The following SH2B2 variants were observed in gnomAD, a reference collection of about 807,000 sequenced individuals.
SH2B2 encodes the protein SH2B adaptor protein 2, also known as SH2B adapter protein 2.
A neutral mutation model predicts 35.7 loss-of-function variants in SH2B2; 37 were observed. The ratio of observed to expected loss-of-function variants is 1.04; its 90% confidence interval spans 0.80 to 1.36. The LOEUF is 1.36. Among genes scored for constraint, SH2B2 ranks in the 40% most tolerant of loss-of-function variants. The probability of loss-of-function intolerance (pLI) is 0.00; values close to 1 mark genes in which losing one functional copy is unlikely to be tolerated. For synonymous variants in SH2B2, 383 were observed against 376.4 expected (o/e 1.02, Z -0.20); for missense variants, 852 against 817.7 (o/e 1.04, Z -0.51).
intron 2 of SH2B2, among the ~76,000 whole-genome samples, chr7:102,305,445 T>C (rs539056884): frequency 3.9e-5 from 6 of 152,108 alleles, no homozygotes; most frequent in African/African-American, 1.4e-4. Flanking sequence ...TTTGTATTTC[T>C]AGTAGAGATG....
intron 1 of SH2B2, among the ~76,000 whole-genome samples, chr7:102,287,960 G>C (rs1347743884): frequency 4.6e-5 from 7 of 152,196 alleles, no homozygotes; most frequent in African/African-American, 1.7e-4. Context: ...TAGTGCAAGG[G>C]AGAGCCTCAG....
chr7:102,310,208 C>T (rs765697208), intron 4 of SH2B2, among the ~76,000 whole-genome samples: 1 of 152,020 alleles, frequency 6.6e-6, no homozygotes, highest in Non-Finnish European at 1.5e-5. Context: ...CCCAGCTACT[C>T]GAGAGGCTGA....
At chr7:102,311,029 C>T (rs928039191) in intron 4 of SH2B2, among the ~76,000 whole-genome samples, 4 of 152,168 alleles carry the variant, frequency 2.6e-5, no homozygotes, top group Non-Finnish European at 5.9e-5. Flanking sequence ...AGTGGAAAAT[C>T]AATTTGCAAA....
chr7:102,299,117 T>C (rs1182778263), intron 1 of SH2B2, among the ~76,000 whole-genome samples: 1 of 149,810 alleles, frequency 6.7e-6, no homozygotes, highest in Non-Finnish European at 1.5e-5. Context: ...GCCAGGATGG[T>C]CTCGATCTCC....
intron 4 of SH2B2, among the ~76,000 whole-genome samples, chr7:102,311,589 C>T (rs1270899251): frequency 5.0e-5 from 6 of 120,076 alleles, no homozygotes; most frequent in South Asian, 2.9e-4. Flanking sequence ...GAGACGGGAT[C>T]GGGATCGTGC....
chr7:102,300,783 G>A lies in SH2B2; in HGVS notation c.233G>A (p.Arg78His). 6.6e-7 allele frequency: 1 copy of A among 1,518,064 alleles called. No individual in the cohort carries two copies. The highest frequency in any genetic ancestry group is 8.9e-7 in the Non-Finnish European group (1 of 1,127,796). 94.0% of individuals were successfully genotyped at this position (1,518,064 alleles called of 1,614,324 possible). A position where few individuals can be genotyped will look rare whatever the true frequency, so the allele number is the denominator to read the frequency against. ...CTGGACGTCTTCGGCGAGGAGGTGC[G>A]CCGCGTGCTGGTGGCTGGGCCGACG... ...NFLDVFGEEV[R>H]RVLVAGPTTR... Residue 78 changes from arginine (R) to histidine (H), a missense_variant, in exon 2 of 9, where the codon CGC becomes CAC. Arg to His is a conservative substitution (Grantham distance 29). Transcript: ENST00000444095.
chr7:102,306,792 G>T lies in SH2B2; in HGVS notation c.801G>T (p.Met267Ile). 6.3e-7 allele frequency: 1 copy of T among 1,595,166 alleles called. No homozygotes were observed. The highest frequency in any genetic ancestry group is 8.5e-7 in the Non-Finnish European group (1 of 1,171,176). Residue 267 changes from methionine (M) to isoleucine (I), a missense_variant, in exon 3 of 9, where the codon ATG becomes ATT. Met to Ile is a conservative substitution (Grantham distance 10). This residue lies in a region of SH2B2 where 556 missense variants were observed against 514.5 expected (regional missense o/e 1.08). Coordinates refer to ENST00000444095, the MANE Select transcript of SH2B2 (RefSeq NM_001359228.2). The stretch of plus-strand genomic sequence containing the variant: ...TCCGCACCACCATGCCCCTGGAAAT[G>T]CCAGAGAAGGATAACACATTCGTCC... Reference protein sequence around the residue: ...IEVRTTMPLEMPEKDNTFVLK... With the variant: ...IEVRTTMPLEIPEKDNTFVLK...
intron 1 of SH2B2, 53 bp from the exon 2 acceptor site, chr7:102,300,469 T>A: frequency 6.8e-7 from 1 of 1,476,130 alleles, no homozygotes; most frequent in Non-Finnish European, 9.0e-7. Flanking sequence ...AGGGGACAGG[T>A]GGGCGCATTG....
At chr7:102,318,512 G>T (rs1442540760) in intron 7 of SH2B2, among the ~76,000 whole-genome samples, 1 of 152,164 alleles carries the variant, frequency 6.6e-6, no homozygotes, top group African/African-American at 2.4e-5. Flanking sequence ...GTGGCCAGAG[G>T]GGGCAGGAAC....
At chr7:102,298,672 C>T (rs1198038113) in intron 1 of SH2B2, among the ~76,000 whole-genome samples, 1 of 152,104 alleles carries the variant, frequency 6.6e-6, no homozygotes, top group Admixed American at 6.6e-5. Flanking sequence ...CTCAACCTTC[C>T]AGGCTCAGGT....
chr7:102,312,038 A>G (rs1793644984), intron 4 of SH2B2, among the ~76,000 whole-genome samples: 1 of 149,238 alleles, frequency 6.7e-6, no homozygotes, highest in African/African-American at 2.5e-5. Flanking sequence ...AGATTGCACC[A>G]CTGAACTCCA....
rs71123035 is a variant in SH2B2 at position 102,299,197 on chromosome 7, C to CTTTT, written c.-29-1309_-29-1306dup. Among the ~76,000 whole-genome samples the CTTTT allele has an allele frequency of 4.2e-3, 104 of 24,632 alleles. 23 individuals carry two copies. Among genetic ancestry groups the CTTTT allele is most frequent in the Non-Finnish European group, 5.6e-3 (81 of 14,438 alleles). 16.2% of individuals were successfully genotyped at this position (24,632 alleles called of 152,430 possible). The stretch of plus-strand genomic sequence containing the variant: ...TACAGGCATGAGCCACCGCGCCTGG[C>CTTTT]TTTTTTTTTTTTTTTTTTTGAGGTG... On this transcript the variant is annotated intron_variant, in intron 1 of 8. Coordinates refer to ENST00000444095, the MANE Select transcript of SH2B2 (RefSeq NM_001359228.2).
At chr7:102,309,253 C>A in intron 4 of SH2B2, 2 of 452,976 alleles carry the variant, frequency 4.4e-6, no homozygotes, top group Non-Finnish European at 4.3e-6. Flanking sequence ...TGGCTCACAT[C>A]TGTGACCCCA....
At chr7:102,321,247 G>A in intron 8 of SH2B2, 52 bp from the exon 9 acceptor site, 2 of 1,304,664 alleles carry the variant, frequency 1.5e-6, no homozygotes, top group Non-Finnish European at 2.0e-6. Context: ...CCTCCCTGCA[G>A]GATGTGGCCA....
chr7:102,303,523 G>A (rs1413104021), intron 2 of SH2B2, among the ~76,000 whole-genome samples: 2 of 152,148 alleles, frequency 1.3e-5, no homozygotes, highest in African/African-American at 2.4e-5. Context: ...GAGCCACATG[G>A]GCCCTGGAAA....
upstream of SH2B2, among the ~76,000 whole-genome samples, chr7:102,286,363 T>C (rs1273160951): frequency 7.2e-5 from 11 of 152,286 alleles, no homozygotes; most frequent in East Asian, 1.9e-4. Context: ...CAGGCTCCCA[T>C]TGTCCCTGCT....
chr7:102,301,191 G>A lies in SH2B2; in HGVS notation c.641G>A (p.Gly214Asp), dbSNP rs782479453. ...GACGACGCGGCCGCGGGCTCCGGGG[G>A]CTCGGCTCAGTGGCAGAAGTGCCGC... ...VADDAAAGSG[G>D]SAQWQKCRLL... is the part of the protein sequence containing the mutation. The change falls in exon 2 of 9, where the codon GGC (glycine) becomes GAC (aspartate). Residue 214 changes from glycine (G) to aspartate (D), a missense_variant. Transcript: ENST00000444095. 2.5e-6 allele frequency: 4 copies of A among 1,587,430 alleles called. No individual in the cohort carries two copies. The highest frequency in any genetic ancestry group is 3.4e-6 in the Non-Finnish European group (4 of 1,168,862).
rs1586605016 is a variant in SH2B2 at position 102,317,375 on chromosome 7, A to C, written c.1375A>C (p.Asn459His). ...GCCTGGGGAGTACGTGCTGACCTTC[A>C]ACTTCCAGGGCAAGGCCAAGGCAAG... is the stretch of plus-strand genomic sequence containing the variant. Reference protein sequence around the residue: ...TRPGEYVLTFNFQGKAKHLRL... With the variant: ...TRPGEYVLTFHFQGKAKHLRL... The change falls in exon 7 of 9, where the codon AAC becomes CAC. Residue 459 changes from asparagine to histidine, a missense_variant. This residue lies in a region of SH2B2 where 556 missense variants were observed against 514.5 expected (regional missense o/e 1.08). Coordinates refer to ENST00000444095, the MANE Select transcript of SH2B2 (RefSeq NM_001359228.2). 1 of 1,586,272 alleles carries C rather than the reference A, an allele frequency of 6.3e-7. No homozygotes were observed.
In SH2B2 at chr7:102,321,394, T is replaced by C; in HGVS notation, c.1663T>C (p.Cys555Arg). ...HYFSSLAAAACPPASPSDAAG... is the reference protein window; with the variant it reads ...HYFSSLAAAARPPASPSDAAG... ...CTTCTCCAGCCTCGCCGCGGCCGCC[T>C]GCCCGCCTGCCTCGCCCTCCGACGC... The change falls in exon 9 of 9, where the codon TGC (cysteine) becomes CGC (arginine). Residue 555 changes from cysteine to arginine, a missense_variant. This residue lies in a region of SH2B2 where 556 missense variants were observed against 514.5 expected (regional missense o/e 1.08). Transcript: ENST00000444095. The C allele has an allele frequency of 7.3e-7, 1 of 1,377,860 alleles. No individual in the cohort carries two copies. The allele number at this position is 1,377,860 out of a possible 1,614,324, so 85.4% of individuals were successfully genotyped here. A position where few individuals can be genotyped will look rare whatever the true frequency, so the allele number is the denominator to read the frequency against.
Sources: allele counts gnomAD v4.1 joint callset (sites outside exome capture counted in the v4.1 genomes callset), GRCh38; gene constraint gnomAD v4.1.1; regional missense constraint gnomAD v4.1.1; transcripts MANE v1.5; gene names NCBI Gene and HGNC (gene_info 2026-07-23, HGNC 2026-07-21).